FNDC3B: variants seen among roughly 807,000 people sequenced by gnomAD.
FNDC3B encodes fibronectin type III domain-containing protein 3B.
Under a neutral mutation model 151.5 loss-of-function variants are expected in FNDC3B, and 12 were observed. That is an observed-to-expected ratio of 0.08 (90% confidence interval 0.05 to 0.13). The LOEUF (loss-of-function observed/expected upper bound fraction) is 0.13. FNDC3B is among the 10% of genes least tolerant of loss of function. The pLI is 1.00. For synonymous variants in FNDC3B, 528 were observed against 549.0 expected, an observed-to-expected ratio of 0.96 and a Z score of 0.54; for missense variants, 1,214 against 1,505.3, an observed-to-expected ratio of 0.81 and a Z score of 3.20.
chr3:172,042,053 G>A (rs779483723), intron 1 of FNDC3B, among the ~76,000 whole-genome samples: 10 of 151,194 alleles, frequency 6.6e-5, no homozygotes, highest in Non-Finnish European at 1.3e-4. Context: ...TGCTTTTAAA[G>A]TGTTGTGGTT....
chr3:172,135,894 G>A (rs1409769327), intron 3 of FNDC3B, among the ~76,000 whole-genome samples: 9 of 152,322 alleles, frequency 5.9e-5, no homozygotes, highest in African/African-American at 2.2e-4. Context: ...TGTGGCAATA[G>A]GCAGTGTATT....
At chr3:172,047,820 A>G (rs1050859663) in intron 1 of FNDC3B, among the ~76,000 whole-genome samples, 5 of 152,132 alleles carry the variant, frequency 3.3e-5, no homozygotes, top group South Asian at 4.1e-4. Context: ...GAGTTTTTCT[A>G]TTGACATTTG....
chr3:172,183,450 CTG>C (rs1220944745), intron 3 of FNDC3B, among the ~76,000 whole-genome samples: 29 of 152,126 alleles, frequency 1.9e-4, no homozygotes, highest in Admixed American at 1.9e-3. Flanking sequence ...AGAGAGGGAA[CTG>C]TGTCAGAATG....
chr3:172,125,590 AT>A (rs1720773928), intron 2 of FNDC3B, among the ~76,000 whole-genome samples: 2 of 152,306 alleles, frequency 1.3e-5, no homozygotes, highest in African/African-American at 4.8e-5. Context: ...CCATTAAAAA[AT>A]TGCATCACCC....
chr3:172,226,519 G>A (rs1050872561), intron 3 of FNDC3B, among the ~76,000 whole-genome samples: 2 of 152,160 alleles, frequency 1.3e-5, no homozygotes, highest in Middle Eastern at 3.4e-3. Flanking sequence ...GATTAATTAT[G>A]CATTCTTTTA....
At chr3:172,051,201 A>C (rs1716636375) in intron 1 of FNDC3B, among the ~76,000 whole-genome samples, 1 of 150,652 alleles carries the variant, frequency 6.6e-6, no homozygotes, top group South Asian at 2.1e-4. Flanking sequence ...CTTCTGCCTC[A>C]ACCTCCCAAG....
chr3:172,069,334 C>G (rs1717655785), intron 1 of FNDC3B, among the ~76,000 whole-genome samples: 1 of 152,124 alleles, frequency 6.6e-6, no homozygotes, highest in African/African-American at 2.4e-5. Context: ...CTTAGGTATT[C>G]ATTCATTTTA....
At chr3:172,333,204 G>C (rs1244095325) in intron 14 of FNDC3B, 29 bp downstream of exon 14, 1 of 1,333,630 alleles carries the variant, frequency 7.5e-7, no homozygotes, top group South Asian at 1.2e-5. Flanking sequence ...TACCTGAACT[G>C]CTTAAAAATG....
chr3:172,152,703 A>G (rs140042853), intron 3 of FNDC3B, among the ~76,000 whole-genome samples: 8 of 151,796 alleles, frequency 5.3e-5, no homozygotes, highest in African/African-American at 1.9e-4. Flanking sequence ...AGTTTCTGAA[A>G]AAAATCACAC....
At chr3:172,316,044 G>A (rs1459952145) in intron 11 of FNDC3B, among the ~76,000 whole-genome samples, 1 of 48,232 alleles carries the variant, frequency 2.1e-5, no homozygotes, top group African/African-American at 5.7e-5. Context: ...TTTTACTCTT[G>A]TTGCCCAGGC....
At chr3:172,289,373 G>A (rs1171830580) in intron 7 of FNDC3B, among the ~76,000 whole-genome samples, 1 of 151,716 alleles carries the variant, frequency 6.6e-6, no homozygotes, top group African/African-American at 2.4e-5. Context: ...TCCCCTTCAC[G>A]AGAGCCTTAA....
At chr3:172,328,223 T>C (rs57847243) in intron 11 of FNDC3B, among the ~76,000 whole-genome samples, 3,986 of 152,298 alleles carry the variant, frequency 0.026, 156 homozygotes, top group African/African-American at 0.079. Context: ...AGAGTGACTG[T>C]AATATACATA....
chr3:172,331,849 T>C (rs1284496129), intron 13 of FNDC3B, among the ~76,000 whole-genome samples: 3 of 152,166 alleles, frequency 2.0e-5, no homozygotes, highest in South Asian at 2.1e-4. Context: ...CACCACCCAA[T>C]AGAACTTTCT....
chr3:172,291,824 A>G (rs1479980980), intron 7 of FNDC3B, among the ~76,000 whole-genome samples: 1 of 152,176 alleles, frequency 6.6e-6, no homozygotes, highest in Non-Finnish European at 1.5e-5. Context: ...GCCCTAGTTA[A>G]GCTTGTTGGT....
intron 10 of FNDC3B, among the ~76,000 whole-genome samples, chr3:172,309,782 G>T: frequency 6.6e-6 from 1 of 152,136 alleles, no homozygotes; most frequent in Non-Finnish European, 1.5e-5. Context: ...AGTTTAGTAG[G>T]TGATTTACAT....
intron 1 of FNDC3B, among the ~76,000 whole-genome samples, chr3:172,089,413 A>G (rs1224361309): frequency 6.6e-6 from 1 of 152,158 alleles, no homozygotes; most frequent in Non-Finnish European, 1.5e-5. Flanking sequence ...TGTTGGAAAC[A>G]GGATGCAATG....
At chr3:172,125,936 A>G (rs1720789771) in intron 2 of FNDC3B, among the ~76,000 whole-genome samples, 1 of 152,194 alleles carries the variant, frequency 6.6e-6, no homozygotes, top group Non-Finnish European at 1.5e-5. Context: ...GATGTTAATT[A>G]TATGTTTCAA....
intron 1 of FNDC3B, among the ~76,000 whole-genome samples, chr3:172,084,500 C>CACACACACACACAT (rs1553759317): frequency 3.5e-4 from 53 of 151,684 alleles, no homozygotes; most frequent in African/African-American, 1.3e-3. Flanking sequence ...CACACACACA[C>CACACACACACACAT]GTATATTCTG....
At chr3:172,067,326 A>AGTCTTACTACCTTTTTGAT (rs1220030318) in intron 1 of FNDC3B, among the ~76,000 whole-genome samples, 3 of 152,180 alleles carry the variant, frequency 2.0e-5, no homozygotes, top group Non-Finnish European at 4.4e-5. Flanking sequence ...TGCTTTTTGA[A>AGTCTTACTACCTTTTTGAT]GTCTTACTAC....
Sources: allele counts gnomAD v4.1 joint callset (sites outside exome capture counted in the v4.1 genomes callset), GRCh38; gene constraint gnomAD v4.1.1; transcripts MANE v1.5; gene names NCBI Gene and HGNC (gene_info 2026-07-23, HGNC 2026-07-21).